CLPB: variants seen among roughly 807,000 people sequenced by gnomAD.
The protein encoded by CLPB is ClpB family mitochondrial disaggregase, also known as mitochondrial disaggregase.
CLPB carries 40 observed loss-of-function variants against 78.4 expected under a neutral mutation model. The observed-to-expected ratio is 0.51, with a 90% CI of 0.40 to 0.66. CLPB has a LOEUF of 0.66. CLPB is among the 30% of genes least tolerant of loss of function. The pLI, the probability that CLPB is intolerant of heterozygous loss-of-function variation, is 0.00. For missense variants in CLPB, 780 were observed against 886.9 expected (o/e 0.88, Z 1.53); for synonymous variants, 333 against 348.0 (o/e 0.96, Z 0.48).
chr11:72,328,025 C>G (rs1950160099), intron 6 of CLPB, among the ~76,000 whole-genome samples: 1 of 152,216 alleles, frequency 6.6e-6, no homozygotes, highest in Non-Finnish European at 1.5e-5. Flanking sequence ...ATTTCCAGCT[C>G]TCCCATTCTA....
intron 5 of CLPB, among the ~76,000 whole-genome samples, chr11:72,346,370 T>C (rs746928487): frequency 7.9e-5 from 12 of 152,152 alleles, no homozygotes; most frequent in Non-Finnish European, 1.3e-4. Flanking sequence ...TGGATATGTA[T>C]ATATATGTGT....
chr11:72,431,307 G>C (rs1471459975), intron 1 of CLPB, among the ~76,000 whole-genome samples: 2 of 152,166 alleles, frequency 1.3e-5, no homozygotes, highest in African/African-American at 2.4e-5. Context: ...CTGGGCAGTG[G>C]GCGGATTCAT....
chr11:72,398,096 A>G (rs1298754654), intron 3 of CLPB, among the ~76,000 whole-genome samples: 2 of 152,174 alleles, frequency 1.3e-5, no homozygotes, highest in South Asian at 4.1e-4. Context: ...GGTCCACCAG[A>G]CTTCTGGAAT....
intron 3 of CLPB, among the ~76,000 whole-genome samples, chr11:72,394,855 A>G (rs994122865): frequency 1.3e-5 from 2 of 152,128 alleles, no homozygotes; most frequent in African/African-American, 4.8e-5. Flanking sequence ...GCTGGGGAAT[A>G]CTGGGTACTG....
chr11:72,398,450 CT>C (rs1329505664), intron 3 of CLPB, among the ~76,000 whole-genome samples: 1 of 152,120 alleles, frequency 6.6e-6, no homozygotes, highest in East Asian at 1.9e-4. Flanking sequence ...GTAATTAAGC[CT>C]TCTTGCTTAT....
intron 3 of CLPB, among the ~76,000 whole-genome samples, chr11:72,401,776 T>G (rs915890168): frequency 6.6e-6 from 1 of 152,242 alleles, no homozygotes; most frequent in African/African-American, 2.4e-5. Flanking sequence ...TCTGCTTTCT[T>G]TGAAAGTATC....
At chr11:72,296,449 G>T (rs1051260690) in intron 11 of CLPB, among the ~76,000 whole-genome samples, 2 of 152,208 alleles carry the variant, frequency 1.3e-5, no homozygotes, top group African/African-American at 4.8e-5. Context: ...GGAGCAAACA[G>T]TATAGGGCAG....
In CLPB at chr11:72,294,713, ACTG is replaced by A; in HGVS notation, c.1487-23_1487-21del. 6.2e-7 allele frequency: 1 copy of A among 1,603,224 alleles called. No individual in the cohort carries two copies. The highest frequency in any genetic ancestry group is 1.1e-5 in the South Asian group (1 of 90,824). ...CATCCCCTGTGGAGAAGAATCATAA[ACTG>A]CTTATTCCCCACATTCAGGGAACTT... is the stretch of plus-strand genomic sequence containing the variant. On this transcript the variant is annotated intron_variant, in intron 12 of 15. Transcript: ENST00000538039.
intron 6 of CLPB, among the ~76,000 whole-genome samples, chr11:72,319,637 G>A (rs1475651732): frequency 2.0e-5 from 3 of 152,160 alleles, no homozygotes; most frequent in African/African-American, 7.2e-5. Flanking sequence ...TCATTAAAAC[G>A]CAGGATAGTA....
At chr11:72,315,479 G>A (rs530113172) in intron 7 of CLPB, among the ~76,000 whole-genome samples, 8 of 152,322 alleles carry the variant, frequency 5.3e-5, no homozygotes, top group Admixed American at 5.2e-4. Flanking sequence ...GACCAGAGAG[G>A]CCATGGGGGC....
intron 3 of CLPB, among the ~76,000 whole-genome samples, chr11:72,391,995 G>C (rs938208306): frequency 1.3e-5 from 2 of 152,132 alleles, no homozygotes; most frequent in Non-Finnish European, 2.9e-5. Flanking sequence ...AGTGGCCAGA[G>C]GGGGTTGGGG....
At chr11:72,373,124 C>A in intron 4 of CLPB, 1 of 806,464 alleles carries the variant, frequency 1.2e-6, no homozygotes, top group South Asian at 1.5e-5. Context: ...GCCCTCTACC[C>A]CCAGAAGGGC....
rs1949401386 is a variant in CLPB, at chr11:72,287,236, G to A, written c.*6131C>T. The A allele has an allele frequency of 6.6e-6, 1 of 152,090 alleles. No individual in the cohort carries two copies. The highest frequency in any genetic ancestry group is 2.1e-4 in the South Asian group (1 of 4,814). The allele number at this position is 152,090 out of a possible 1,614,324, so 9.4% of individuals were successfully genotyped here. ...ATGGCTATAGGAGTGTGTTTACTTT[G>A]TAATCATTCACTGAGCTGCATACTT... On this transcript the variant is annotated 3_prime_UTR_variant, in exon 16 of 16. Transcript: ENST00000538039.
chr11:72,320,823 C>T (rs1950030813), intron 6 of CLPB, among the ~76,000 whole-genome samples: 1 of 152,280 alleles, frequency 6.6e-6, no homozygotes, highest in East Asian at 1.9e-4. Context: ...AGCAATTCTC[C>T]TGCCTCAGCC....
At chr11:72,310,042 T>A (rs1326755161) in intron 7 of CLPB, among the ~76,000 whole-genome samples, 1 of 152,172 alleles carries the variant, frequency 6.6e-6, no homozygotes, top group Non-Finnish European at 1.5e-5. Flanking sequence ...TGGGCAGGAT[T>A]TGAAGAGGCA....
At chr11:72,338,097 A>G (rs1950354098) in intron 5 of CLPB, among the ~76,000 whole-genome samples, 1 of 152,200 alleles carries the variant, frequency 6.6e-6, no homozygotes, top group Non-Finnish European at 1.5e-5. Context: ...ATGGAATCAG[A>G]CTTGTTCTTG....
chr11:72,408,137 A>T lies in CLPB; in HGVS notation c.456-5085T>A, dbSNP rs1231429058. On this transcript the variant is annotated intron_variant, in intron 2 of 15. Coordinates refer to ENST00000538039, the MANE Select transcript of CLPB (RefSeq NM_001258392.3). Reference sequence around the variant, plus strand: ...AGAGGAGGAAATCTTGGTGTTCTTCAGTGAGACTCCAGCATTCAGCCCTGC... The same window carrying T: ...AGAGGAGGAAATCTTGGTGTTCTTCTGTGAGACTCCAGCATTCAGCCCTGC... 4 of 1,535,428 alleles carry T rather than the reference A, an allele frequency of 2.6e-6. No homozygotes were observed. In the Admixed American group the frequency reaches 7.8e-5, roughly 30 times the overall value.
At chr11:72,366,791 T>C (rs1459697274) in intron 4 of CLPB, among the ~76,000 whole-genome samples, 1 of 152,198 alleles carries the variant, frequency 6.6e-6, no homozygotes, top group Non-Finnish European at 1.5e-5. Context: ...GAATGTAAAT[T>C]AGTTCAGCCA....
intron 5 of CLPB, 79 bp downstream of exon 5, chr11:72,358,801 T>TGGCC: frequency 3.9e-5 from 4 of 102,144 alleles, no homozygotes; most frequent in Non-Finnish European, 5.8e-5. Context: ...CCAAGCCCCA[T>TGGCC]CCCACCCCTC....
Sources: gnomAD v4.1 joint callset for allele counts (sites outside exome capture counted in the v4.1 genomes callset) on GRCh38, gnomAD v4.1.1 for gene constraint, MANE v1.5 for transcripts, NCBI Gene and HGNC (gene_info 2026-07-23, HGNC 2026-07-21) for gene names.